JAK2: variants seen among roughly 807,000 people sequenced by gnomAD.
The protein encoded by JAK2 is tyrosine-protein kinase JAK2.
JAK2 carries 86 observed loss-of-function variants against 139.3 expected under a neutral mutation model. That is an observed-to-expected ratio of 0.62 (90% confidence interval 0.52 to 0.74). The LOEUF is 0.74. JAK2 is among the 30% of genes least tolerant of loss of function. JAK2 has a pLI of 0.00. For missense variants in JAK2, 1,421 were observed against 1,360.3 expected (o/e 1.04, Z -0.70); for synonymous variants, 490 against 437.7 (o/e 1.12, Z -1.49).
At chr9:4,991,387 TTAATAAA>T (rs2129718581) in intron 2 of JAK2, among the ~76,000 whole-genome samples, 2 of 152,278 alleles carry the variant, frequency 1.3e-5, no homozygotes, top group East Asian at 3.9e-4. Context: ...TGGTTTTAGT[TTAATAAA>T]TTATGATTAT....
intron 22 of JAK2, chr9:5,111,522 C>T (rs751409201): frequency 8.1e-6 from 3 of 368,100 alleles, no homozygotes; most frequent in Non-Finnish European, 1.6e-5. Context: ...TCCGCCAAGA[C>T]GCCCAGCAGC....
chr9:4,995,794 C>T (rs1313805694), intron 2 of JAK2, among the ~76,000 whole-genome samples: 4 of 152,130 alleles, frequency 2.6e-5, no homozygotes, highest in African/African-American at 4.8e-5. Flanking sequence ...ATTTAATTCT[C>T]TATTTCTGAT....
rs41316003 is a variant in JAK2 at position 5,126,343 on chromosome 9, G to A, written c.3188G>A (p.Arg1063His). ...KSKSPPAEFM[R>H]MIGNDKQGQM... ...GTGGGTTTGTTTTAGGAATTTATGC[G>A]TATGATTGGCAATGACAAACAAGGA... is the stretch of plus-strand genomic sequence containing the variant. Residue 1063 changes from arginine to histidine, a missense_variant, in exon 24 of 25, where the codon CGT (arginine) becomes CAT (histidine). Arg to His is a conservative substitution (Grantham distance 29). Transcript: ENST00000381652. 5.4e-3 allele frequency: 8,630 copies of A among 1,600,698 alleles called. 46 individuals carry two copies. The highest frequency in any genetic ancestry group is 6.1e-3 in the Non-Finnish European group (7,177 of 1,172,236).
intron 15 of JAK2, among the ~76,000 whole-genome samples, chr9:5,078,021 G>C (rs1398684796): frequency 2.0e-5 from 3 of 152,170 alleles, no homozygotes; most frequent in Non-Finnish European, 4.4e-5. Flanking sequence ...CTTAATGTCA[G>C]CTCCCATCCA....
At chr9:5,074,959 G>A (rs899271009) in intron 14 of JAK2, among the ~76,000 whole-genome samples, 1 of 152,158 alleles carries the variant, frequency 6.6e-6, no homozygotes, top group African/African-American at 2.4e-5. Context: ...ACTCCTGTGA[G>A]CACATAAATT....
intron 9 of JAK2, among the ~76,000 whole-genome samples, chr9:5,065,281 CTA>C (rs1204030261): frequency 6.6e-6 from 1 of 151,962 alleles, no homozygotes; most frequent in African/African-American, 2.4e-5. Context: ...TTAATCATGC[CTA>C]TGTGTGATTC....
intron 2 of JAK2, among the ~76,000 whole-genome samples, chr9:5,012,987 A>C (rs1821798455): frequency 6.6e-6 from 1 of 152,222 alleles, no homozygotes; most frequent in South Asian, 2.1e-4. Flanking sequence ...TTGTGGAAAA[A>C]AAAGCCAATG....
intron 3 of JAK2, among the ~76,000 whole-genome samples, 166 bp downstream of exon 3, chr9:5,022,379 A>G (rs773649932): frequency 9.2e-5 from 14 of 152,242 alleles, no homozygotes; most frequent in African/African-American, 1.7e-4. Flanking sequence ...CTGGAGTACA[A>G]TTTATGGTGA....
intron 22 of JAK2, among the ~76,000 whole-genome samples, chr9:5,095,434 C>T (rs1800063771): frequency 6.6e-6 from 1 of 152,124 alleles, no homozygotes; most frequent in South Asian, 2.1e-4. Context: ...ATCTATAATT[C>T]TCATGATGGG....
intron 22 of JAK2, chr9:5,110,207 C>G (rs1244652144): frequency 6.6e-6 from 1 of 152,250 alleles, no homozygotes; most frequent in Non-Finnish European, 1.5e-5. Context: ...CCCTGCTCCA[C>G]TCCAGCACTA....
intron 8 of JAK2, among the ~76,000 whole-genome samples, chr9:5,064,352 A>G (rs1403726666): frequency 6.6e-6 from 1 of 152,132 alleles, no homozygotes; most frequent in Non-Finnish European, 1.5e-5. Context: ...CAACATGGCG[A>G]GAACCTGTCT....
chr9:5,061,751 A>G (rs1389453143), intron 8 of JAK2, among the ~76,000 whole-genome samples: 1 of 152,230 alleles, frequency 6.6e-6, no homozygotes, highest in Non-Finnish European at 1.5e-5. Flanking sequence ...CTTTGGATTC[A>G]TAACTTGCCT....
chr9:5,096,369 G>A (rs1258009703), intron 22 of JAK2, among the ~76,000 whole-genome samples: 1 of 152,146 alleles, frequency 6.6e-6, no homozygotes, highest in Non-Finnish European at 1.5e-5. Flanking sequence ...TTCTGCATCA[G>A]TTGAACGCAA....
At chr9:4,992,810 G>C (rs1302611207) in intron 2 of JAK2, among the ~76,000 whole-genome samples, 36 of 152,194 alleles carry the variant, frequency 2.4e-4, no homozygotes, top group Admixed American at 2.4e-3. Flanking sequence ...AGCATGCAAG[G>C]TAGGCACAGT....
chr9:5,010,875 C>G (rs534490353), intron 2 of JAK2, among the ~76,000 whole-genome samples: 3 of 152,114 alleles, frequency 2.0e-5, no homozygotes, highest in African/African-American at 7.2e-5. Context: ...TATAATACAA[C>G]AGATCCAGTA....
intron 14 of JAK2, among the ~76,000 whole-genome samples, chr9:5,077,020 G>T (rs1472851685): frequency 3.3e-5 from 5 of 151,994 alleles, no homozygotes; most frequent in Non-Finnish European, 2.9e-5. Context: ...AATGGAGCTA[G>T]AACTCAAATT....
At chr9:5,125,412 A>G (rs1028236552) in intron 23 of JAK2, among the ~76,000 whole-genome samples, 3 of 151,490 alleles carry the variant, frequency 2.0e-5, no homozygotes, top group Admixed American at 6.6e-5. Flanking sequence ...ATAAGGCTAT[A>G]TATGTCTGAA....
At chr9:5,119,526 G>A (rs895786716) in intron 22 of JAK2, among the ~76,000 whole-genome samples, 65 of 151,876 alleles carry the variant, frequency 4.3e-4, no homozygotes, top group Non-Finnish European at 7.2e-4. Context: ...AGCTGAAGAT[G>A]ATATATATAT....
chr9:5,086,680 C>G (rs1820139794), intron 19 of JAK2, among the ~76,000 whole-genome samples: 1 of 152,064 alleles, frequency 6.6e-6, no homozygotes, highest in Admixed American at 6.5e-5. Context: ...ATGTAATAAC[C>G]TTACTTAGAA....
Sources: gnomAD v4.1 joint callset for allele counts (sites outside exome capture counted in the v4.1 genomes callset) on GRCh38, gnomAD v4.1.1 for gene constraint, MANE v1.5 for transcripts, NCBI Gene and HGNC (gene_info 2026-07-23, HGNC 2026-07-21) for gene names.